The following VDAC3 variants were observed in gnomAD, a reference collection of about 807,000 sequenced individuals.
VDAC3 encodes the protein voltage dependent anion channel 3.
VDAC3 carries 7 observed loss-of-function variants against 33.9 expected under a neutral mutation model. The observed-to-expected ratio is 0.21, with a 90% CI of 0.12 to 0.39. The LOEUF is 0.39. VDAC3 is among the 10% of genes least tolerant of loss of function. VDAC3 has a pLI of 1.00. For synonymous variants in VDAC3, 100 were observed against 122.4 expected, an observed-to-expected ratio of 0.82 and a Z score of 1.21; for missense variants, 261 against 334.5, an observed-to-expected ratio of 0.78 and a Z score of 1.71.
intron 7 of VDAC3, 102 bp from the exon 8 acceptor site, chr8:42,403,209 A>C: frequency 7.1e-7 from 1 of 1,413,840 alleles, no homozygotes; most frequent in South Asian, 1.3e-5. Context: ...CTATAGTTAC[A>C]AAATGGGATC....
intron 4 of VDAC3, among the ~76,000 whole-genome samples, chr8:42,395,692 G>A (rs1277689912): frequency 6.6e-6 from 1 of 152,204 alleles, no homozygotes; most frequent in Non-Finnish European, 1.5e-5. Flanking sequence ...GGGTGCAGCG[G>A]CTCACACCTG....
At chr8:42,399,911 T>C (rs1412223416) in intron 6 of VDAC3, among the ~76,000 whole-genome samples, 1 of 152,162 alleles carries the variant, frequency 6.6e-6, no homozygotes, top group African/African-American at 2.4e-5. Context: ...ACTGAATAGA[T>C]GAGCAAAAAT....
At chr8:42,395,869 G>T (rs773525289) in intron 4 of VDAC3, among the ~76,000 whole-genome samples, 8 of 150,942 alleles carry the variant, frequency 5.3e-5, no homozygotes, top group Non-Finnish European at 1.2e-4. Flanking sequence ...TGAGGCGGGA[G>T]AATCTCTTGA....
chr8:42,403,304 A>G lies in VDAC3; in HGVS notation c.552-7A>G. ...TATTTATGACGTTTTCTTATCTATG[A>G]AAACAGGAACGATGGCACTGAATTT... On this transcript the variant is annotated splice_polypyrimidine_tract_variant and splice_region_variant and intron_variant, in intron 7 of 9. Transcript: ENST00000022615. 1 of 1,613,790 alleles carries G rather than the reference A, an allele frequency of 6.2e-7. No individual in the cohort carries two copies. Among genetic ancestry groups the G allele is most frequent in the Non-Finnish European group, 8.5e-7 (1 of 1,179,966 alleles).
Position 42,395,081 on chromosome 8 carries a change from T to C in VDAC3, c.68-3T>C. ...CTGTGTTTTTGTGTGTGTGTGTGTA[T>C]AGGCTTTGGCATGGTCAAGATAGAC... On this transcript the variant is annotated splice_region_variant and splice_polypyrimidine_tract_variant and intron_variant, in intron 3 of 9. Coordinates refer to ENST00000022615, the MANE Select transcript of VDAC3 (RefSeq NM_005662.7). 1 of 1,614,008 alleles carries C rather than the reference T, an allele frequency of 6.2e-7. No individual in the cohort carries two copies. The highest frequency in any genetic ancestry group is 8.5e-7 in the Non-Finnish European group (1 of 1,179,952).
At chr8:42,395,428 A>C (rs779566105) in intron 4 of VDAC3, among the ~76,000 whole-genome samples, 3 of 152,254 alleles carry the variant, frequency 2.0e-5, no homozygotes, top group Non-Finnish European at 2.9e-5. Flanking sequence ...TATGGGCACC[A>C]AAAACCTCAC....
At position 42,395,064 on chromosome 8, in the gene VDAC3, TTGTG is replaced by T; in HGVS notation, c.68-8_68-5del. On this transcript the variant is annotated splice_polypyrimidine_tract_variant and intron_variant, in intron 3 of 9. Coordinates refer to ENST00000022615, the MANE Select transcript of VDAC3 (RefSeq NM_005662.7). ...TCACATTTTGTACATTACTGTGTTTTTGTGTGTGTGTGTGTATAGGCTTTGGCAT... is the reference window on the plus strand; with the variant it reads ...TCACATTTTGTACATTACTGTGTTTTTGTGTGTGTGTATAGGCTTTGGCAT... 6.2e-7 allele frequency: 1 copy of T among 1,604,708 alleles called. No homozygotes were observed. The highest frequency in any genetic ancestry group is 1.1e-5 in the South Asian group (1 of 90,356).
intron 8 of VDAC3, 140 bp downstream of exon 8, chr8:42,403,601 T>A: frequency 1.0e-6 from 1 of 987,054 alleles, no homozygotes; most frequent in Non-Finnish European, 1.4e-6. Flanking sequence ...GAATATAATG[T>A]GGCCAGGCTC....
intron 4 of VDAC3, chr8:42,396,536 G>A (rs1211894792): frequency 1.6e-6 from 1 of 617,702 alleles, no homozygotes; most frequent in African/African-American, 1.9e-5. Context: ...GGCACGCTGT[G>A]TATATAGTTC....
At chr8:42,401,301 A>C (rs936305998) in intron 6 of VDAC3, among the ~76,000 whole-genome samples, 4 of 151,868 alleles carry the variant, frequency 2.6e-5, no homozygotes, top group Non-Finnish European at 5.9e-5. Context: ...GGTTCAAGTG[A>C]TTCTCCTGCC....
At chr8:42,398,943 C>A (rs1585950410) in intron 5 of VDAC3, 79 bp downstream of exon 5, 1 of 1,513,944 alleles carries the variant, frequency 6.6e-7, no homozygotes. Flanking sequence ...CAAATATAAT[C>A]AAAAGAGATC....
chr8:42,398,348 T>C (rs1431416820), intron 4 of VDAC3, among the ~76,000 whole-genome samples: 1 of 152,170 alleles, frequency 6.6e-6, no homozygotes, highest in East Asian at 1.9e-4. Context: ...CTCTGCCTCC[T>C]GGGCTCAGGC....
At chr8:42,397,969 A>G (rs1035138849) in intron 4 of VDAC3, among the ~76,000 whole-genome samples, 1 of 152,202 alleles carries the variant, frequency 6.6e-6, no homozygotes, top group African/African-American at 2.4e-5. Flanking sequence ...AAACATTTTT[A>G]AAAGGAAGTA....
chr8:42,400,995 A>T (rs1208479966), intron 6 of VDAC3, among the ~76,000 whole-genome samples: 1 of 152,022 alleles, frequency 6.6e-6, no homozygotes, highest in African/African-American at 2.4e-5. Context: ...CTTGATTGGA[A>T]TAGGGTTATT....
At chr8:42,401,341 C>T (rs889149380) in intron 6 of VDAC3, among the ~76,000 whole-genome samples, 1 of 152,110 alleles carries the variant, frequency 6.6e-6, no homozygotes, top group East Asian at 1.9e-4. Context: ...GGACTACAGG[C>T]GTGTGCCACC....
intron 8 of VDAC3, among the ~76,000 whole-genome samples, chr8:42,403,735 G>C (rs1366461265): frequency 6.6e-6 from 1 of 152,142 alleles, no homozygotes; most frequent in Non-Finnish European, 1.5e-5. Context: ...AATTAGGTGG[G>C]CGTGGTAGGT....
intron 1 of VDAC3, 142 bp from the exon 2 acceptor site, chr8:42,393,703 A>G (rs1210406524): frequency 5.1e-6 from 2 of 388,482 alleles, no homozygotes; most frequent in Admixed American, 8.8e-5. Context: ...GAGAAGATAT[A>G]TTCTAGATGA....
intron 9 of VDAC3, 48 bp from the exon 10 acceptor site, chr8:42,405,323 T>G (rs867187503): frequency 1.3e-6 from 2 of 1,489,506 alleles, no homozygotes; most frequent in African/African-American, 1.4e-5. Flanking sequence ...AGTTCAGATC[T>G]AATTGTAATA....
intron 8 of VDAC3, 28 bp from the exon 9 acceptor site, chr8:42,404,839 C>T: frequency 3.1e-6 from 5 of 1,591,806 alleles, no homozygotes; most frequent in Non-Finnish European, 4.3e-6. Context: ...TCACTGTTTT[C>T]TGTTATTATT....
Sources: allele counts gnomAD v4.1 joint callset (sites outside exome capture counted in the v4.1 genomes callset), GRCh38; gene constraint gnomAD v4.1.1; transcripts MANE v1.5; gene names NCBI Gene and HGNC (gene_info 2026-07-23, HGNC 2026-07-21).